Variants in GLUD1 observed in about 807,000 individuals in gnomAD.
GLUD1 encodes glutamate dehydrogenase 1, also known as glutamate dehydrogenase 1, mitochondrial.
GLUD1 carries 22 observed loss-of-function variants against 56.0 expected under a neutral mutation model. The ratio of observed to expected loss-of-function variants is 0.39; its 90% CI spans 0.28 to 0.56. GLUD1 has a LOEUF of 0.56. Ranked by LOEUF, GLUD1 falls within the 20% of genes least tolerant of loss-of-function variation. The probability of loss-of-function intolerance (pLI) is 0.58; values close to 1 mark genes in which losing one functional copy is unlikely to be tolerated. For missense variants in GLUD1, 451 were observed against 732.0 expected, an observed-to-expected ratio of 0.62 and a Z score of 4.43; for synonymous variants, 223 against 269.9, an observed-to-expected ratio of 0.83 and a Z score of 1.70.
chr10:87,053,344 T>C lies in GLUD1; in HGVS notation c.1555A>G (p.Arg519Gly). 1 of 1,605,536 alleles carries C rather than the reference T, an allele frequency of 6.2e-7. No individual in the cohort carries two copies. Residue 519 changes from arginine to glycine, a missense_variant and splice_region_variant, in exon 12 of 13, where the codon AGG becomes GGG. Coordinates refer to ENST00000277865, the MANE Select transcript of GLUD1 (RefSeq NM_005271.5). ...GCAAACAGCATCTGCACACATACCC[T>C]GGCAGAACGCTCCATTGTGTATGCC... is the stretch of plus-strand genomic sequence containing the variant. ...GLAYTMERSARQIMRTAMKYN... is the reference protein window; with the variant it reads ...GLAYTMERSAGQIMRTAMKYN...
intron 5 of GLUD1, among the ~76,000 whole-genome samples, chr10:87,066,894 C>CA (rs1447319583): frequency 6.6e-6 from 1 of 152,212 alleles, no homozygotes; most frequent in Non-Finnish European, 1.5e-5. Flanking sequence ...ATGTTCAGTT[C>CA]TGTGGTACTA....
chr10:87,075,098 G>T (rs752908584), intron 3 of GLUD1, among the ~76,000 whole-genome samples: 5 of 152,138 alleles, frequency 3.3e-5, no homozygotes. Flanking sequence ...AAAAACTTCA[G>T]ATCACAGTAA....
At chr10:87,074,925 T>G (rs1386142850) in intron 3 of GLUD1, among the ~76,000 whole-genome samples, 3 of 152,212 alleles carry the variant, frequency 2.0e-5, no homozygotes, top group Non-Finnish European at 4.4e-5. Context: ...TGGTGAATTT[T>G]AAAGAGAATA....
rs757864860 is a variant in GLUD1 at position 87,063,057 on chromosome 10, GTT to G, written c.742-224_742-223del. Among the ~76,000 whole-genome samples the G allele has an allele frequency of 1.1e-3, 162 of 144,282 alleles. 1 individual carries two copies. The East Asian group carries it at 0.012, about 11-fold the overall frequency. The allele number at this position is 144,282 out of a possible 152,430, so 94.7% of individuals were successfully genotyped here. A position where few individuals can be genotyped will look rare whatever the true frequency, so the allele number is the denominator to read the frequency against. ...TACAATAAAATATACTATATTTTCT[GTT>G]TTTTTTTTTGTTTGTTTGTTTGTTT... On this transcript the variant is annotated intron_variant, in intron 5 of 12. Transcript: ENST00000277865.
At chr10:87,075,479 T>G (rs1258497580) in intron 3 of GLUD1, among the ~76,000 whole-genome samples, 2 of 152,176 alleles carry the variant, frequency 1.3e-5, no homozygotes, top group African/African-American at 4.8e-5. Context: ...AAGTAGGTGA[T>G]CTTTATATGG....
At chr10:87,071,145 C>A (rs1182536439) in intron 4 of GLUD1, among the ~76,000 whole-genome samples, 2 of 151,354 alleles carry the variant, frequency 1.3e-5, no homozygotes, top group Non-Finnish European at 2.9e-5. Flanking sequence ...AAAACAAAAA[C>A]AAAAAACAAG....
Position 87,094,612 on chromosome 10 carries a change from T to C in GLUD1, c.158A>G (p.Tyr53Cys), listed in dbSNP as rs1841670760. The C allele has an allele frequency of 6.2e-7, 1 of 1,610,354 alleles. No homozygotes were observed. Among genetic ancestry groups the C allele is most frequent in the Non-Finnish European group, 8.5e-7 (1 of 1,179,510 alleles). ...CTCGCGGTCGGCCACCGCCTCGCTG[T>C]AGTGGCGCCGGGCGGCCAATGCCAG... is the stretch of plus-strand genomic sequence containing the variant. The part of the protein sequence containing the change: ...PGLALAARRH[Y>C]SEAVADREDD... The change falls in exon 1 of 13, where the codon TAC becomes TGC. Residue 53 changes from tyrosine to cysteine, a missense_variant. Physicochemically the swap from Tyr to Cys is radical, Grantham distance 194. Coordinates refer to ENST00000277865, the MANE Select transcript of GLUD1 (RefSeq NM_005271.5). This position sits in a 1 kb window ranked among gnomAD's most constrained non-coding sequence, Gnocchi z 6.6.
At chr10:87,074,106 A>G (rs112271317) in intron 4 of GLUD1, among the ~76,000 whole-genome samples, 12 of 152,312 alleles carry the variant, frequency 7.9e-5, no homozygotes, top group Middle Eastern at 3.4e-3. Flanking sequence ...GATTGTGCAC[A>G]AAGAAAATAT....
At chr10:87,075,921 C>CA in intron 3 of GLUD1, 47 bp downstream of exon 3, 3 of 1,325,398 alleles carry the variant, frequency 2.3e-6, no homozygotes, top group Non-Finnish European at 3.2e-6. Flanking sequence ...CTCAGAAAAA[C>CA]AAAAACAACA....
chr10:87,055,895 C>A (rs1256359460), intron 11 of GLUD1, among the ~76,000 whole-genome samples: 1 of 151,844 alleles, frequency 6.6e-6, no homozygotes, highest in Admixed American at 6.6e-5. Context: ...GCGGGTGGAT[C>A]ACGAGGTCAG....
intron 1 of GLUD1, among the ~76,000 whole-genome samples, chr10:87,086,014 G>C (rs577378126): frequency 6.6e-6 from 1 of 152,240 alleles, no homozygotes; most frequent in African/African-American, 2.4e-5. Flanking sequence ...TTATTAAAAA[G>C]TTTCAAAGGG....
At chr10:87,079,800 G>T (rs1841157774) in intron 1 of GLUD1, among the ~76,000 whole-genome samples, 1 of 152,002 alleles carries the variant, frequency 6.6e-6, no homozygotes, top group Non-Finnish European at 1.5e-5. Flanking sequence ...ACAGGAGTTT[G>T]AAAAAATGAC....
At chr10:87,068,447 G>T (rs905003013) in intron 4 of GLUD1, among the ~76,000 whole-genome samples, 3 of 152,208 alleles carry the variant, frequency 2.0e-5, no homozygotes, top group African/African-American at 7.2e-5. Context: ...TTCTGAGTGT[G>T]CGACCAGAGG....
At chr10:87,093,061 T>C (rs1348066794) in intron 1 of GLUD1, among the ~76,000 whole-genome samples, 3 of 152,208 alleles carry the variant, frequency 2.0e-5, no homozygotes, top group Non-Finnish European at 4.4e-5. Context: ...CAAAGTTAAG[T>C]CCTAGAAGTG....
At chr10:87,087,896 C>T (rs1402068748) in intron 1 of GLUD1, among the ~76,000 whole-genome samples, 1 of 152,114 alleles carries the variant, frequency 6.6e-6, no homozygotes, top group South Asian at 2.1e-4. Flanking sequence ...GCCTGACCAA[C>T]ATGGCAAAAC....
At chr10:87,086,120 C>T (rs1360565330) in intron 1 of GLUD1, among the ~76,000 whole-genome samples, 1 of 151,992 alleles carries the variant, frequency 6.6e-6, no homozygotes, top group Non-Finnish European at 1.5e-5. Context: ...CAGAGGAATC[C>T]TAGGGAGGGG....
At position 87,094,526 on chromosome 10, in the gene GLUD1, C is replaced by T; in HGVS notation, c.244G>A (p.Glu82Lys). 1.2e-6 allele frequency: 2 copies of T among 1,612,898 alleles called. No homozygotes were observed. The highest frequency in any genetic ancestry group is 1.7e-6 in the Non-Finnish European group (2 of 1,179,962). ...GFFDRGASIVEDKLVEDLRTR... is the reference protein window; with the variant it reads ...GFFDRGASIVKDKLVEDLRTR... ...CTCAGGTCCTCCACCAGCTTGTCCTCCACGATGCTGGCGCCGCGATCGAAG... is the reference window on the plus strand; with the variant it reads ...CTCAGGTCCTCCACCAGCTTGTCCTTCACGATGCTGGCGCCGCGATCGAAG... Residue 82 changes from glutamate to lysine, a missense_variant, in exon 1 of 13, where the codon GAG becomes AAG. Coordinates refer to ENST00000277865, the MANE Select transcript of GLUD1 (RefSeq NM_005271.5). This position sits in a 1 kb window ranked among gnomAD's most constrained non-coding sequence, Gnocchi z 6.6.
intron 5 of GLUD1, among the ~76,000 whole-genome samples, chr10:87,064,727 T>C (rs1428945356): frequency 6.6e-6 from 1 of 152,236 alleles, no homozygotes; most frequent in Non-Finnish European, 1.5e-5. Flanking sequence ...TTAGTAGTTT[T>C]CCCACAGTTT....
intron 11 of GLUD1, among the ~76,000 whole-genome samples, chr10:87,056,115 CAAAAAAAAAAAA>C (rs201114912): frequency 8.0e-5 from 5 of 62,756 alleles, no homozygotes; most frequent in African/African-American, 1.4e-4. Flanking sequence ...GACTCTGTCT[CAAAAAAAAAAAA>C]AAAAAAAAAA....
Sources: allele counts gnomAD v4.1 joint callset (sites outside exome capture counted in the v4.1 genomes callset), GRCh38; gene constraint gnomAD v4.1.1; non-coding constraint Gnocchi (gnomAD v3.1); transcripts MANE v1.5; gene names NCBI Gene and HGNC (gene_info 2026-07-23, HGNC 2026-07-21).